The following DHRSX variants were observed in gnomAD, a reference collection of about 807,000 sequenced individuals.
DHRSX encodes dehydrogenase/reductase X-linked, also known as polyprenol dehydrogenase.
Under a neutral mutation model 34.0 loss-of-function variants are expected in DHRSX, and 31 were observed. That is an observed-to-expected ratio of 0.91 (90% CI 0.69 to 1.23). The LOEUF (loss-of-function observed/expected upper bound fraction) is 1.23. Among genes scored for constraint, DHRSX ranks in the 50% most tolerant of loss-of-function variants. The probability of loss-of-function intolerance (pLI) is 0.00; values close to 1 mark genes in which losing one functional copy is unlikely to be tolerated. For synonymous variants in DHRSX, 201 were observed against 183.8 expected (o/e 1.09, Z -0.76); for missense variants, 414 against 428.1 (o/e 0.97, Z 0.29).
At chrX:2,359,460 G>A (rs2042900304) in intron 3 of DHRSX, among the ~76,000 whole-genome samples, 3 of 152,204 alleles carry the variant, frequency 2.0e-5, no homozygotes, top group Admixed American at 6.5e-5. Flanking sequence ...GGTGGATCGC[G>A]AGGTCAGGAG....
intron 1 of DHRSX, among the ~76,000 whole-genome samples, chrX:2,474,949 C>T (rs751718036): frequency 6.6e-6 from 1 of 150,532 alleles, no homozygotes; most frequent in African/African-American, 2.4e-5. Context: ...AGGGAAGGGA[C>T]AGCACTAAAG....
At chrX:2,469,184 A>T (rs1569504384) in intron 1 of DHRSX, among the ~76,000 whole-genome samples, 1 of 151,882 alleles carries the variant, frequency 6.6e-6, no homozygotes, top group Non-Finnish European at 1.5e-5. Flanking sequence ...CTAAGAATGC[A>T]GCCAAGGGAC....
At chrX:2,300,859 C>T (rs2042000704) in intron 3 of DHRSX, among the ~76,000 whole-genome samples, 1 of 152,130 alleles carries the variant, frequency 6.6e-6, no homozygotes, top group Admixed American at 6.5e-5. Context: ...ATCTATCACC[C>T]TGCTGCCTGA....
intron 3 of DHRSX, among the ~76,000 whole-genome samples, chrX:2,328,156 A>G (rs2042411822): frequency 6.6e-6 from 1 of 151,734 alleles, no homozygotes; most frequent in South Asian, 2.1e-4. Context: ...AGAAGATGGC[A>G]TCTACAAGCC....
chrX:2,287,423 G>T (rs2041816497), intron 4 of DHRSX, among the ~76,000 whole-genome samples: 1 of 151,804 alleles, frequency 6.6e-6, no homozygotes, highest in South Asian at 2.1e-4. Flanking sequence ...ATCCTCATGT[G>T]GAAGACAAAA....
chrX:2,305,348 T>C (rs1304082960), intron 3 of DHRSX, among the ~76,000 whole-genome samples: 1 of 152,062 alleles, frequency 6.6e-6, no homozygotes, highest in Non-Finnish European at 1.5e-5. Context: ...CAACAGATGC[T>C]GGAGAGGATG....
intron 3 of DHRSX, among the ~76,000 whole-genome samples, chrX:2,298,003 G>A (rs1245064493): frequency 3.9e-5 from 6 of 152,156 alleles, no homozygotes; most frequent in Admixed American, 6.5e-5. Context: ...TGATCTGCCC[G>A]CCTCGGCCTC....
chrX:2,458,327 C>T (rs955316340), intron 1 of DHRSX, among the ~76,000 whole-genome samples: 14 of 152,110 alleles, frequency 9.2e-5, no homozygotes, highest in Admixed American at 7.2e-4. Flanking sequence ...GTCATCCCAC[C>T]GCTCGGTGTG....
intron 1 of DHRSX, among the ~76,000 whole-genome samples, chrX:2,491,717 A>C (rs5983114): frequency 0.042 from 6,394 of 152,278 alleles, 426 homozygotes; most frequent in African/African-American, 0.14. Flanking sequence ...ACGTCTGAAG[A>C]AGCATGGATT....
intron 1 of DHRSX, chrX:2,486,447 G>C (rs1262078391): frequency 6.6e-6 from 1 of 152,190 alleles, no homozygotes; most frequent in Non-Finnish European, 1.5e-5. Context: ...CATTGCTCTG[G>C]TTTATTGAAC....
Position 2,428,225 on chromosome X carries a change from C to T in DHRSX, c.110-2921G>A, listed in dbSNP as rs148075122. Among the ~76,000 whole-genome samples the T allele has an allele frequency of 1.2e-3, 189 of 152,172 alleles. 1 individual carries two copies. Among genetic ancestry groups the T allele is most frequent in the African/African-American group, 4.3e-3 (178 of 41,506 alleles). On this transcript the variant is annotated intron_variant, in intron 1 of 6. Transcript: ENST00000334651. Reference sequence around the variant, plus strand: ...ACCACTATGCAATATATTCATGTAACACAAGTGTACTCATACCCACAAAAT... The same window carrying T: ...ACCACTATGCAATATATTCATGTAATACAAGTGTACTCATACCCACAAAAT...
At chrX:2,459,664 T>C (rs2044375765) in intron 1 of DHRSX, among the ~76,000 whole-genome samples, 1 of 151,674 alleles carries the variant, frequency 6.6e-6, no homozygotes, top group Non-Finnish European at 1.5e-5. Flanking sequence ...GTGACTCCCA[T>C]TTCCAGGCAG....
intron 2 of DHRSX, among the ~76,000 whole-genome samples, chrX:2,418,080 C>T (rs2043718766): frequency 2.0e-5 from 3 of 151,844 alleles, no homozygotes; most frequent in Non-Finnish European, 4.4e-5. Context: ...AATTAGATCT[C>T]AAAGTGACCT....
At chrX:2,424,576 C>T (rs2043819271) in intron 2 of DHRSX, among the ~76,000 whole-genome samples, 1 of 152,154 alleles carries the variant, frequency 6.6e-6, no homozygotes, top group South Asian at 2.1e-4. Flanking sequence ...AACCTCCAGT[C>T]TCCTTGAGAT....
chrX:2,349,526 G>T (rs2042760962), intron 3 of DHRSX, among the ~76,000 whole-genome samples: 1 of 151,124 alleles, frequency 6.6e-6, no homozygotes, highest in Non-Finnish European at 1.5e-5. Flanking sequence ...TGTCCACTAA[G>T]AAGTACAAAA....
At chrX:2,367,932 C>T (rs1357158741) in intron 3 of DHRSX, among the ~76,000 whole-genome samples, 1 of 151,982 alleles carries the variant, frequency 6.6e-6, no homozygotes, top group Non-Finnish European at 1.5e-5. Flanking sequence ...CAAATGCTTA[C>T]GGGTATTTAC....
intron 3 of DHRSX, among the ~76,000 whole-genome samples, chrX:2,325,537 T>C (rs1163779064): frequency 1.3e-5 from 2 of 152,016 alleles, no homozygotes; most frequent in African/African-American, 4.8e-5. Context: ...CCCGACCAAC[T>C]ACAAAGCCCA....
chrX:2,266,335 A>G (rs996992903), intron 5 of DHRSX, among the ~76,000 whole-genome samples: 6 of 145,002 alleles, frequency 4.1e-5, no homozygotes, highest in African/African-American at 1.6e-4. Context: ...AGACACAGGG[A>G]GCACTGTCCC....
chrX:2,355,218 A>G (rs1429098373), intron 3 of DHRSX, among the ~76,000 whole-genome samples: 1 of 152,154 alleles, frequency 6.6e-6, no homozygotes, highest in Non-Finnish European at 1.5e-5. Flanking sequence ...AGTCAGAGTC[A>G]AAATATTATC....
Sources: allele counts gnomAD v4.1 joint callset (sites outside exome capture counted in the v4.1 genomes callset), GRCh38; gene constraint gnomAD v4.1.1; transcripts MANE v1.5; gene names NCBI Gene and HGNC (gene_info 2026-07-23, HGNC 2026-07-21).